AP3D1: variants seen among roughly 807,000 people sequenced by gnomAD.
AP3D1 encodes AP-3 complex subunit delta-1.
AP3D1 carries 51 observed loss-of-function variants against 147.6 expected under a neutral mutation model. The observed-to-expected ratio is 0.35, with a 90% CI of 0.28 to 0.44. The LOEUF is 0.44. Ranked by LOEUF, AP3D1 falls within the 20% of genes least tolerant of loss-of-function variation. AP3D1 has a pLI of 1.00. For synonymous variants in AP3D1, 760 were observed against 663.0 expected (o/e 1.15, Z -2.25); for missense variants, 1,421 against 1,624.2 (o/e 0.87, Z 2.15).
At chr19:2,117,810 G>A (rs968996465) in intron 15 of AP3D1, among the ~76,000 whole-genome samples, 1 of 152,242 alleles carries the variant, frequency 6.6e-6, no homozygotes, top group Non-Finnish European at 1.5e-5. Context: ...CACGCCCCAT[G>A]CAGCCTTGAA....
At chr19:2,114,415 T>G in intron 21 of AP3D1, 113 bp from the exon 22 acceptor site, 2 of 903,702 alleles carry the variant, frequency 2.2e-6, no homozygotes, top group South Asian at 3.3e-5. Context: ...CTCCAGCCCC[T>G]GGCCCCAGCC....
At chr19:2,128,439 C>G (rs1012477202) in intron 8 of AP3D1, among the ~76,000 whole-genome samples, 2 of 151,466 alleles carry the variant, frequency 1.3e-5, no homozygotes, top group African/African-American at 4.9e-5. Context: ...TGCAGCCACT[C>G]CAGCACTGCA....
At chr19:2,103,278 C>T (rs980931818) in intron 31 of AP3D1, among the ~76,000 whole-genome samples, 4 of 151,994 alleles carry the variant, frequency 2.6e-5, no homozygotes, top group South Asian at 2.1e-4. Context: ...CTGGGTCTCC[C>T]GTGGGAGGGG....
chr19:2,153,383 G>GT (rs1478091003), upstream of AP3D1, among the ~76,000 whole-genome samples: 8 of 133,266 alleles, frequency 6.0e-5, no homozygotes, highest in Admixed American at 1.5e-4. Context: ...CAAAAAAGAA[G>GT]TGGGGGGGGG....
At chr19:2,107,030 G>C (rs1344984787) in intron 31 of AP3D1, among the ~76,000 whole-genome samples, 1 of 152,162 alleles carries the variant, frequency 6.6e-6, no homozygotes, top group East Asian at 1.9e-4. Flanking sequence ...TTGGGAGGCC[G>C]AGGCAGACAG....
At chr19:2,156,335 C>T (rs1388976530), upstream of AP3D1, among the ~76,000 whole-genome samples, 1 of 152,112 alleles carries the variant, frequency 6.6e-6, no homozygotes, top group Non-Finnish European at 1.5e-5. Context: ...CTTCCACCTC[C>T]CCATCCACCC....
At chr19:2,137,638 GAAT>G (rs977050655) in intron 3 of AP3D1, 86 bp downstream of exon 3, 179 of 1,124,754 alleles carry the variant, frequency 1.6e-4, no homozygotes, top group Non-Finnish European at 2.1e-4. Context: ...TCTGTCTCAA[GAAT>G]AATAATAATA....
chr19:2,122,534 C>T (rs943510392), intron 11 of AP3D1, among the ~76,000 whole-genome samples: 2 of 152,168 alleles, frequency 1.3e-5, no homozygotes, highest in African/African-American at 4.8e-5. Flanking sequence ...ACACGGCGGG[C>T]GGTACTGAGA....
chr19:2,108,889 G>T, intron 30 of AP3D1, 123 bp from the exon 31 acceptor site: 1 of 1,334,410 alleles, frequency 7.5e-7, no homozygotes, highest in Non-Finnish European at 1.0e-6. Context: ...GTAGGAGCAG[G>T]GTGTGGCCCT....
intron 20 of AP3D1, 44 bp downstream of exon 20, chr19:2,115,175 G>GGAAAGATA: frequency 6.3e-7 from 1 of 1,578,356 alleles, no homozygotes; most frequent in Non-Finnish European, 8.6e-7. Context: ...ACACACATGC[G>GGAAAGATA]GAAAGATAGA....
intron 1 of AP3D1, among the ~76,000 whole-genome samples, chr19:2,147,537 CACAGCGAG>C (rs1004962747): frequency 7.6e-6 from 1 of 131,762 alleles, no homozygotes; most frequent in Non-Finnish European, 1.6e-5. Flanking sequence ...GCCTGGGCAA[CACAGCGAG>C]ACTCTGACTT....
In AP3D1 at chr19:2,138,087, C is replaced by G. The variant is rs79930572; in HGVS notation, c.193-280G>C. On this transcript the variant is annotated intron_variant, in intron 2 of 31. Coordinates refer to ENST00000643116, the MANE Select transcript of AP3D1 (RefSeq NM_001261826.3). ...GCTTACGGGTACTGGCTACATTCCC[C>G]TACCAACCCTTGGCGAATCGGCTCC... Among the ~76,000 whole-genome samples the G allele has an allele frequency of 5.4e-3, 824 of 152,324 alleles. 6 individuals carry two copies. The highest frequency in any genetic ancestry group is 0.019 in the African/African-American group (773 of 41,564).
chr19:2,109,078 C>G lies in AP3D1; in HGVS notation c.3472+8G>C. On this transcript the variant is annotated splice_region_variant and intron_variant, in intron 30 of 31. Coordinates refer to ENST00000643116, the MANE Select transcript of AP3D1 (RefSeq NM_001261826.3). ...CCGTGCAATCCATCAGCCCCTCACT[C>G]TCCTTACCGGAAAAATGGTGGTGAA... 1 of 1,608,614 alleles carries G rather than the reference C, an allele frequency of 6.2e-7. No individual in the cohort carries two copies. Among genetic ancestry groups the G allele is most frequent in the Non-Finnish European group, 8.5e-7 (1 of 1,178,434 alleles).
intron 31 of AP3D1, among the ~76,000 whole-genome samples, chr19:2,102,633 C>T (rs575274862): frequency 2.3e-4 from 35 of 152,010 alleles, no homozygotes; most frequent in Non-Finnish European, 3.8e-4. Context: ...GAGGCTGAGG[C>T]AGGAGAATGG....
In AP3D1 at chr19:2,110,215, T is replaced by A; in HGVS notation, c.3185A>T (p.Asn1062Ile). Residue 1062 changes from asparagine (N) to isoleucine (I), a missense_variant, in exon 28 of 32, where the codon AAC (asparagine) becomes ATC (isoleucine). Asn to Ile is a moderately radical substitution (Grantham distance 149). Transcript: ENST00000643116. ...GATGGTGAACACATACTGGGCTTCG[T>A]TGGAGACGCCTGGCGGGGGCGAGAG... ...VPFQLPPGVS[N>I]EAQYVFTIQS... 6.2e-7 allele frequency: 1 copy of A among 1,611,992 alleles called. No homozygotes were observed. The highest frequency in any genetic ancestry group is 8.5e-7 in the Non-Finnish European group (1 of 1,179,912).
At chr19:2,109,849 T>A (rs374074134) in intron 29 of AP3D1, 24 bp downstream of exon 29, 15 of 1,609,628 alleles carry the variant, frequency 9.3e-6, no homozygotes, top group African/African-American at 4.0e-5. Context: ...TTCGGGGACA[T>A]AGGGGAGTGG....
chr19:2,125,367 G>A (rs1476626950), intron 9 of AP3D1, among the ~76,000 whole-genome samples: 3 of 152,174 alleles, frequency 2.0e-5, no homozygotes, highest in Admixed American at 2.0e-4. Flanking sequence ...CCAGGCTGGA[G>A]TGCAACGGCA....
chr19:2,111,604 G>T (rs1455996456), intron 25 of AP3D1, 75 bp downstream of exon 25: 1 of 1,479,264 alleles, frequency 6.8e-7, no homozygotes, highest in Non-Finnish European at 9.1e-7. Flanking sequence ...CCGCATGGAG[G>T]CTGCAGGAGT....
rs780447563 is a variant in AP3D1, at chr19:2,108,748, G to A, written c.3491C>T (p.Ser1164Phe). 1.3e-6 allele frequency: 2 copies of A among 1,574,840 alleles called. No homozygotes were observed. The highest frequency in any genetic ancestry group is 1.7e-6 in the Non-Finnish European group (2 of 1,160,500). The change falls in exon 31 of 32, where the codon TCC (serine) becomes TTC (phenylalanine). Residue 1164 changes from serine (S) to phenylalanine (F), a missense_variant. Ser to Phe is a radical substitution (Grantham distance 155). Coordinates refer to ENST00000643116, the MANE Select transcript of AP3D1 (RefSeq NM_001261826.3). The stretch of plus-strand genomic sequence containing the variant: ...GGAGCGGCTGTACATGGAGGCGCAG[G>A]AGTCCACTCGCTCCACAACTGCAAC... ...HHFSVVERVDSCASMYSRSIQ... is the reference protein window; with the variant it reads ...HHFSVVERVDFCASMYSRSIQ...
Sources: gnomAD v4.1 joint callset for allele counts (sites outside exome capture counted in the v4.1 genomes callset) on GRCh38, gnomAD v4.1.1 for gene constraint, MANE v1.5 for transcripts, NCBI Gene and HGNC (gene_info 2026-07-23, HGNC 2026-07-21) for gene names.